The following LMF1 variants were observed in gnomAD, a reference collection of about 807,000 sequenced individuals.
LMF1 encodes the protein transmembrane protein 112.
A neutral mutation model predicts 60.6 loss-of-function variants in LMF1; 68 were observed. The observed-to-expected ratio is 1.12, with a 90% confidence interval of 0.92 to 1.37. The LOEUF (loss-of-function observed/expected upper bound fraction) is 1.37. Ranked by LOEUF, LMF1 falls within the 40% of genes most tolerant of loss-of-function variation. LMF1 has a pLI of 0.00. For synonymous variants in LMF1, 418 were observed against 324.7 expected, an observed-to-expected ratio of 1.29 and a Z score of -3.09; for missense variants, 948 against 767.2, an observed-to-expected ratio of 1.24 and a Z score of -2.78.
At position 854,528 on chromosome 16, in the gene LMF1, A is replaced by G; in HGVS notation, c.*4T>C. 1 of 1,605,720 alleles carries G rather than the reference A, an allele frequency of 6.2e-7. No homozygotes were observed. On this transcript the variant is annotated 3_prime_UTR_variant, in exon 11 of 11. Coordinates refer to ENST00000262301, the MANE Select transcript of LMF1 (RefSeq NM_022773.4). ...GGGTCTTCGCCTTTATTTCTGGTGC[A>G]CGTCTAGAGGGGCCCGGGCAGAGGC... is the stretch of plus-strand genomic sequence containing the variant.
chr16:934,343 G>A (rs757948013), intron 2 of LMF1, 89 bp from the exon 3 acceptor site: 3 of 1,534,414 alleles, frequency 2.0e-6, no homozygotes, highest in Admixed American at 1.7e-5. Flanking sequence ...AGCCCACCCT[G>A]GCACCCAGCA....
chr16:973,558 G>A (rs1303931196), upstream of LMF1, among the ~76,000 whole-genome samples: 1 of 152,162 alleles, frequency 6.6e-6, no homozygotes, highest in Non-Finnish European at 1.5e-5. Flanking sequence ...GGGAGCCAGT[G>A]GTCCGGGGGT....
At chr16:933,118 G>A (rs1414225993) in intron 3 of LMF1, 1 of 152,238 alleles carries the variant, frequency 6.6e-6, no homozygotes, top group Non-Finnish European at 1.5e-5. Flanking sequence ...TGGAAACAAT[G>A]AACAGACGCA....
At chr16:864,815 G>GT (rs1211098610) in intron 10 of LMF1, among the ~76,000 whole-genome samples, 1 of 151,892 alleles carries the variant, frequency 6.6e-6, no homozygotes, top group Non-Finnish European at 1.5e-5. Context: ...AGTAAAGAGG[G>GT]TTTTGCCATG....
At chr16:926,055 C>T (rs573205119) in intron 3 of LMF1, among the ~76,000 whole-genome samples, 70 of 148,828 alleles carry the variant, frequency 4.7e-4, no homozygotes, top group African/African-American at 1.6e-3. Context: ...TGTGTGCACA[C>T]GTTTGCATAT....
At chr16:946,688 C>T (rs1328839867) in intron 2 of LMF1, among the ~76,000 whole-genome samples, 3 of 152,224 alleles carry the variant, frequency 2.0e-5, no homozygotes, top group African/African-American at 7.2e-5. Context: ...AGAACGTTCA[C>T]AGGTCCAACC....
chr16:971,887 T>C (rs915272837), upstream of LMF1, among the ~76,000 whole-genome samples: 4 of 152,238 alleles, frequency 2.6e-5, no homozygotes, highest in Admixed American at 6.5e-5. Context: ...ACTCTTTACG[T>C]ATGAAAAATC....
chr16:939,501 C>T (rs994536250), intron 2 of LMF1, among the ~76,000 whole-genome samples: 6 of 152,270 alleles, frequency 3.9e-5, no homozygotes, highest in Non-Finnish European at 7.3e-5. Flanking sequence ...CTGTGGCCAC[C>T]ACACGTGCCG....
intron 1 of LMF1, chr16:964,242 G>C (rs948860938): frequency 1.7e-5 from 7 of 417,820 alleles, no homozygotes; most frequent in Non-Finnish European, 3.0e-5. Context: ...GTTGTAGTGA[G>C]AGGAGATTGC....
intron 2 of LMF1, among the ~76,000 whole-genome samples, chr16:939,565 G>A (rs571096557): frequency 4.6e-5 from 7 of 152,350 alleles, no homozygotes; most frequent in South Asian, 4.1e-4. Flanking sequence ...TGACCAGTGC[G>A]TCGCTGAGAC....
At chr16:894,949 G>A in intron 4 of LMF1, among the ~76,000 whole-genome samples, 1 of 152,156 alleles carries the variant, frequency 6.6e-6, no homozygotes. Context: ...GGCTGTCCTG[G>A]GCAGGGAGCC....
upstream of LMF1, among the ~76,000 whole-genome samples, chr16:973,388 G>A (rs1029137394): frequency 4.9e-4 from 75 of 152,136 alleles, no homozygotes; most frequent in Non-Finnish European, 1.5e-4. Flanking sequence ...GTTCTGACAC[G>A]TGCTACAACA....
chr16:888,366 A>G (rs2151725610), intron 5 of LMF1, among the ~76,000 whole-genome samples: 1 of 152,326 alleles, frequency 6.6e-6, no homozygotes, highest in East Asian at 1.9e-4. Context: ...AACTCCCCTA[A>G]AAAGCAATGG....
At chr16:931,656 G>A (rs1000656534) in intron 3 of LMF1, 3 of 1,287,208 alleles carry the variant, frequency 2.3e-6, no homozygotes, top group Non-Finnish European at 3.0e-6. Flanking sequence ...GTAACTGGCA[G>A]CTCTATGTTC....
upstream of LMF1, chr16:975,851 G>A (rs975290037): frequency 2.4e-5 from 11 of 453,916 alleles, no homozygotes; most frequent in East Asian, 6.9e-5. Flanking sequence ...GGGCCTGGGC[G>A]GCCAGGGCCC....
intron 10 of LMF1, among the ~76,000 whole-genome samples, chr16:867,910 G>A (rs1239473547): frequency 1.3e-5 from 2 of 152,136 alleles, no homozygotes; most frequent in African/African-American, 2.4e-5. Flanking sequence ...TCCCATCCCC[G>A]CCCTCCGGCT....
At chr16:914,683 T>C in intron 3 of LMF1, among the ~76,000 whole-genome samples, 1 of 648 alleles carries the variant, frequency 1.5e-3, no homozygotes, top group East Asian at 0.016. Context: ...CTCCCTCCCA[T>C]GACCATTGGT....
At chr16:894,589 C>T (rs1376258484) in intron 4 of LMF1, among the ~76,000 whole-genome samples, 1 of 152,200 alleles carries the variant, frequency 6.6e-6, no homozygotes, top group African/African-American at 2.4e-5. Flanking sequence ...GGACGGCCAC[C>T]AGTCGTGGCA....
chr16:870,033 C>T lies in LMF1; in HGVS notation c.1266G>A (p.Gln422=). 6.2e-7 allele frequency: 1 copy of T among 1,612,054 alleles called. No individual in the cohort carries two copies. Among genetic ancestry groups the T allele is most frequent in the Non-Finnish European group, 8.5e-7 (1 of 1,179,780 alleles). The part of the protein sequence containing the change: ...ITKERAEVIL[Q]GTASSNASAP... ...CGCTGGCGTTGGAGCTGGCTGTGCC[C>T]TGCAGGATCACCTCCGCCCGCTCCT... The change falls in exon 9 of 11, where the codon CAG becomes CAA. Residue 422 remains glutamine (Q), a synonymous_variant. Transcript: ENST00000262301.
Sources: gnomAD v4.1 joint callset for allele counts (sites outside exome capture counted in the v4.1 genomes callset) on GRCh38, gnomAD v4.1.1 for gene constraint, MANE v1.5 for transcripts, NCBI Gene and HGNC (gene_info 2026-07-23, HGNC 2026-07-21) for gene names.